Variants in ADGRL3 observed in about 807,000 individuals in gnomAD.
ADGRL3 encodes the protein adhesion G protein-coupled receptor L3.
In ADGRL3, 62 loss-of-function variants were observed where a neutral mutation model predicts 153.5. That is an observed-to-expected ratio of 0.40 (90% CI 0.33 to 0.50). The LOEUF is 0.50. Among genes scored for constraint, ADGRL3 ranks in the 20% least tolerant of loss-of-function variants. The pLI, the probability that ADGRL3 is intolerant of heterozygous loss-of-function variation, is 0.47. For synonymous variants in ADGRL3, 710 were observed against 672.5 expected (o/e 1.06, Z -0.86); for missense variants, 1,641 against 1,859.4 (o/e 0.88, Z 2.16).
At chr4:61,771,784 G>GC (rs5858727) in intron 8 of ADGRL3, among the ~76,000 whole-genome samples, 88,600 of 151,884 alleles carry the variant, frequency 0.58, 27,770 homozygotes, top group African/African-American at 0.81. Flanking sequence ...AAATCAATAA[G>GC]CCTTTTATAG....
rs1035214250 is a variant in ADGRL3 at position 61,391,253 on chromosome 4, A to G, written c.-174+8064A>G. 3.3e-5 allele frequency among the ~76,000 whole-genome samples: 5 copies of G among 152,132 alleles called. No individual in the cohort carries two copies. The South Asian group carries it at 6.2e-4, about 19-fold the overall frequency. On this transcript the variant is annotated intron_variant, in intron 2 of 26. Transcript: ENST00000683033. ...GAATTTACTGTCATGGCAGAAGGCA[A>G]AGAGGGCCCAGTGTAGCTCATGGCC...
At chr4:61,453,510 A>G (rs908484630) in intron 2 of ADGRL3, among the ~76,000 whole-genome samples, 1 of 152,052 alleles carries the variant, frequency 6.6e-6, no homozygotes, top group Admixed American at 6.6e-5. Context: ...TTTAGTCTCA[A>G]AATTTTTATT....
intron 17 of ADGRL3, among the ~76,000 whole-genome samples, chr4:61,953,069 A>G (rs2098953500): frequency 6.6e-6 from 1 of 152,230 alleles, no homozygotes; most frequent in Admixed American, 6.5e-5. Flanking sequence ...TCAATGAAAA[A>G]CAGAAAACAA....
In ADGRL3 at chr4:62,071,784, C is replaced by T. The variant is rs1205573159; in HGVS notation, c.*876C>T. 1 of 393,718 alleles carries T rather than the reference C, an allele frequency of 2.5e-6. No homozygotes were observed. Among genetic ancestry groups the T allele is most frequent in the Non-Finnish European group, 4.9e-6 (1 of 205,246 alleles). 24.4% of individuals were successfully genotyped at this position (393,718 alleles called of 1,614,324 possible). On this transcript the variant is annotated 3_prime_UTR_variant, in exon 27 of 27. Coordinates refer to ENST00000683033, the MANE Select transcript of ADGRL3 (RefSeq NM_001387552.1). ...TTTATTCCTTTAAAATTTCGCCTGG[C>T]AAAAAATAAATAAATGGAACTATCA...
At chr4:61,909,460 A>C in intron 11 of ADGRL3, 100 bp from the exon 12 acceptor site, 1 of 748,848 alleles carries the variant, frequency 1.3e-6, no homozygotes, top group South Asian at 2.2e-5. Flanking sequence ...TATTTCTTGA[A>C]TCGATGATTA....
chr4:62,070,929 A>G lies in ADGRL3; in HGVS notation c.*21A>G. ...TATAGAAGATGACACAGAAATTGGAACCAACAAAACTGCTAACACCTTGTT... is the reference window on the plus strand; with the variant it reads ...TATAGAAGATGACACAGAAATTGGAGCCAACAAAACTGCTAACACCTTGTT... On this transcript the variant is annotated 3_prime_UTR_variant, in exon 27 of 27. Transcript: ENST00000683033. 1 of 1,518,082 alleles carries G rather than the reference A, an allele frequency of 6.6e-7. No individual in the cohort carries two copies. Among genetic ancestry groups the G allele is most frequent in the Non-Finnish European group, 8.9e-7 (1 of 1,128,332 alleles). The allele number at this position is 1,518,082 out of a possible 1,614,324, so 94.0% of individuals were successfully genotyped here.
chr4:61,537,922 C>T (rs2098666901), intron 4 of ADGRL3, among the ~76,000 whole-genome samples: 1 of 152,156 alleles, frequency 6.6e-6, no homozygotes, highest in Admixed American at 6.5e-5. Context: ...TCGATCTCAT[C>T]AAGCTTCCTT....
At chr4:61,495,057 C>T (rs2098298163) in intron 2 of ADGRL3, among the ~76,000 whole-genome samples, 1 of 151,830 alleles carries the variant, frequency 6.6e-6, no homozygotes, top group Non-Finnish European at 1.5e-5. Flanking sequence ...GTAATATCAC[C>T]CTACCCATTA....
chr4:61,343,751 AG>A (rs1295632689), intron 1 of ADGRL3, among the ~76,000 whole-genome samples: 18 of 152,224 alleles, frequency 1.2e-4, no homozygotes, highest in Non-Finnish European at 5.9e-5. Context: ...GAATTCCTAC[AG>A]GGGGAAAAAT....
At chr4:61,867,817 C>T (rs2149347808) in intron 9 of ADGRL3, among the ~76,000 whole-genome samples, 1 of 151,786 alleles carries the variant, frequency 6.6e-6, no homozygotes, top group Non-Finnish European at 1.5e-5. Context: ...TATTTATAAT[C>T]CTTTCATCTT....
At chr4:61,744,438 C>T (rs532444082) in intron 8 of ADGRL3, among the ~76,000 whole-genome samples, 48 of 152,162 alleles carry the variant, frequency 3.2e-4, no homozygotes, top group Admixed American at 1.4e-3. Flanking sequence ...CCCTGACCCC[C>T]GAGCAGCCTA....
At chr4:61,824,328 C>T (rs1374810380) in intron 9 of ADGRL3, among the ~76,000 whole-genome samples, 1 of 152,124 alleles carries the variant, frequency 6.6e-6, no homozygotes, top group Admixed American at 6.5e-5. Flanking sequence ...GTACGCTTCT[C>T]TCAGAAAACG....
intron 9 of ADGRL3, among the ~76,000 whole-genome samples, chr4:61,887,429 A>T (rs1309633672): frequency 6.6e-6 from 1 of 152,202 alleles, no homozygotes; most frequent in Non-Finnish European, 1.5e-5. Flanking sequence ...TACTACTTGT[A>T]TGATTATAAT....
chr4:61,734,283 A>T (rs2096481461), intron 8 of ADGRL3, among the ~76,000 whole-genome samples: 2 of 152,010 alleles, frequency 1.3e-5, no homozygotes, highest in Admixed American at 1.3e-4. Context: ...ACTGAACACC[A>T]TTCTCTTAAA....
chr4:61,259,637 C>G (rs921110632), intron 1 of ADGRL3, among the ~76,000 whole-genome samples: 3 of 152,042 alleles, frequency 2.0e-5, no homozygotes, highest in Non-Finnish European at 1.5e-5. Context: ...TCCATATGCT[C>G]GCCGCTGAAA....
chr4:61,372,596 C>A (rs2096548622), intron 1 of ADGRL3, among the ~76,000 whole-genome samples: 1 of 152,194 alleles, frequency 6.6e-6, no homozygotes, highest in South Asian at 2.1e-4. Context: ...TCTCAGATCT[C>A]CAGCTGCGTG....
intron 5 of ADGRL3, among the ~76,000 whole-genome samples, chr4:61,669,544 T>C (rs1322256296): frequency 1.3e-5 from 2 of 152,178 alleles, no homozygotes; most frequent in African/African-American, 4.8e-5. Flanking sequence ...TAATATTATA[T>C]GATGTGGCTT....
intron 1 of ADGRL3, among the ~76,000 whole-genome samples, chr4:61,311,368 G>A (rs1305225708): frequency 6.6e-6 from 1 of 152,154 alleles, no homozygotes; most frequent in East Asian, 1.9e-4. Flanking sequence ...AGCTGTATTT[G>A]GAAGGCCAGG....
At chr4:61,510,979 C>T (rs888161630) in intron 3 of ADGRL3, among the ~76,000 whole-genome samples, 1 of 152,044 alleles carries the variant, frequency 6.6e-6, no homozygotes, top group Admixed American at 6.6e-5. Flanking sequence ...GATCTTTTCA[C>T]CCCCCTGATT....
Sources: gnomAD v4.1 joint callset for allele counts (sites outside exome capture counted in the v4.1 genomes callset) on GRCh38, gnomAD v4.1.1 for gene constraint, MANE v1.5 for transcripts, NCBI Gene and HGNC (gene_info 2026-07-23, HGNC 2026-07-21) for gene names.